The following PARD6G variants were observed in gnomAD, a reference collection of about 807,000 sequenced individuals.
The protein encoded by PARD6G is par-6 family cell polarity regulator gamma.
A neutral mutation model predicts 10.7 loss-of-function variants in PARD6G; 7 were observed. The observed-to-expected ratio is 0.66, with a 90% CI of 0.37 to 1.23. The LOEUF (loss-of-function observed/expected upper bound fraction) is 1.23. Ranked by LOEUF, PARD6G falls within the 50% of genes most tolerant of loss-of-function variation. The pLI, the probability that PARD6G is intolerant of heterozygous loss-of-function variation, is 0.02. For missense variants in PARD6G, 548 were observed against 571.8 expected (o/e 0.96, Z 0.42); for synonymous variants, 287 against 269.4 (o/e 1.07, Z -0.64).
rs2052855280 is a variant in PARD6G, at chr18:80,182,934, C to G, written c.295+19776G>C. The G allele has an allele frequency of 5.0e-6, 3 of 604,900 alleles. No individual in the cohort carries two copies. The Admixed American group carries it at 8.4e-5, about 17-fold the overall frequency. 37.5% of individuals were successfully genotyped at this position (604,900 alleles called of 1,614,324 possible). A position where few individuals can be genotyped will look rare whatever the true frequency, so the allele number is the denominator to read the frequency against. ...TGAAGCTGCGTGTGCCACAACACTG[C>G]AGGCCCCACACCACGCAGCCAGACG... is the stretch of plus-strand genomic sequence containing the variant. On this transcript the variant is annotated intron_variant, in intron 2 of 2. Transcript: ENST00000353265. The surrounding 1 kb of genome is among the most constrained non-coding windows in gnomAD (Gnocchi z 4.5).
chr18:80,160,682 C>G (rs2052694441), intron 2 of PARD6G, 76 bp from the exon 3 acceptor site: 1 of 1,421,408 alleles, frequency 7.0e-7, no homozygotes, highest in Non-Finnish European at 9.1e-7. Context: ...ACACCTGGCA[C>G]TGCTGTTCCA....
In PARD6G at chr18:80,159,937, C is replaced by G. The variant is rs1437351085; in HGVS notation, c.965G>C (p.Ser322Thr). ...PPQTPGAPAG[S>T]LSRVNGAGLA... ...GCCCGCGCCATTGACCCGGGAGAGG[C>G]TGCCTGCGGGCGCGCCCGGGGTCTG... Residue 322 changes from serine (S) to threonine (T), a missense_variant, in exon 3 of 3, where the codon AGC (serine) becomes ACC (threonine). By Grantham distance (58) the Ser-to-Thr change is moderately conservative (BLOSUM62 1). Transcript: ENST00000353265. 6.6e-7 allele frequency: 1 copy of G among 1,504,774 alleles called. No homozygotes were observed. Among genetic ancestry groups the G allele is most frequent in the Non-Finnish European group, 8.8e-7 (1 of 1,135,480 alleles). The allele number at this position is 1,504,774 out of a possible 1,614,324, so 93.2% of individuals were successfully genotyped here. A position where few individuals can be genotyped will look rare whatever the true frequency, so the allele number is the denominator to read the frequency against.
At chr18:80,177,310 TCA>T (rs1447037229) in intron 2 of PARD6G, among the ~76,000 whole-genome samples, 21 of 107,844 alleles carry the variant, frequency 1.9e-4, no homozygotes, top group African/African-American at 7.2e-4. Context: ...ACGGGATAAA[TCA>T]CAGCCCAAAT....
intron 2 of PARD6G, among the ~76,000 whole-genome samples, chr18:80,167,802 G>A (rs965115418): frequency 7.9e-5 from 12 of 152,142 alleles, no homozygotes; most frequent in African/African-American, 2.9e-4. Flanking sequence ...ACAAAGGCAG[G>A]TTCTGAACCC....
chr18:80,192,017 C>T lies in PARD6G; in HGVS notation c.295+10693G>A, dbSNP rs899441810. ...AAAATTGGTCAAAGGTGTCCAACTC[C>T]ACCTTGATGATTCTGAACATCAAAA... On this transcript the variant is annotated intron_variant, in intron 2 of 2. Coordinates refer to ENST00000353265, the MANE Select transcript of PARD6G (RefSeq NM_032510.4). This position sits in a 1 kb window ranked among gnomAD's most constrained non-coding sequence, Gnocchi z 4.9. 1.2e-4 allele frequency among the ~76,000 whole-genome samples: 18 copies of T among 152,218 alleles called. No individual in the cohort carries two copies. Among genetic ancestry groups the T allele is most frequent in the African/African-American group, 4.1e-4 (17 of 41,456 alleles).
chr18:80,222,041 T>C (rs1392396126), intron 1 of PARD6G, among the ~76,000 whole-genome samples: 1 of 152,014 alleles, frequency 6.6e-6, no homozygotes, highest in Non-Finnish European at 1.5e-5. Context: ...TCTAAATTAA[T>C]GGAAAGACAT....
At chr18:80,239,186 T>C (rs927210747) in intron 1 of PARD6G, among the ~76,000 whole-genome samples, 3 of 151,978 alleles carry the variant, frequency 2.0e-5, no homozygotes, top group Non-Finnish European at 4.4e-5. Context: ...AGCTCGTCCT[T>C]AGACCCCAGG....
Position 80,159,942 on chromosome 18 carries a change from T to G in PARD6G, c.960A>C (p.Ala320=). Residue 320 remains alanine, a synonymous_variant, in exon 3 of 3, where the codon GCA becomes GCC. Transcript: ENST00000353265. ...CGCCATTGACCCGGGAGAGGCTGCC[T>G]GCGGGCGCGCCCGGGGTCTGGGGGG... The part of the protein sequence containing the change: ...ARPPQTPGAP[A]GSLSRVNGAG... 6.7e-7 allele frequency: 1 copy of G among 1,497,836 alleles called. No individual in the cohort carries two copies. The highest frequency in any genetic ancestry group is 1.3e-5 in the South Asian group (1 of 75,924). The allele number at this position is 1,497,836 out of a possible 1,614,324, so 92.8% of individuals were successfully genotyped here. A position where few individuals can be genotyped will look rare whatever the true frequency, so the allele number is the denominator to read the frequency against.
chr18:80,246,430 A>C lies in PARD6G; in HGVS notation c.72+847T>G, dbSNP rs1288375571. On this transcript the variant is annotated intron_variant, in intron 1 of 2. Transcript: ENST00000353265. This position sits in a 1 kb window ranked among gnomAD's most constrained non-coding sequence, Gnocchi z 6.7. ...TACCCAGACGCGCATCGCGACCCGC[A>C]AGTTCGGGCACGCTCCGCCCGGGCG... Among the ~76,000 whole-genome samples the C allele has an allele frequency of 6.6e-6, 1 of 152,068 alleles. No individual in the cohort carries two copies. The highest frequency in any genetic ancestry group is 1.5e-5 in the Non-Finnish European group (1 of 67,986).
At chr18:80,190,649 C>A (rs1966889646) in intron 2 of PARD6G, among the ~76,000 whole-genome samples, 2 of 152,062 alleles carry the variant, frequency 1.3e-5, no homozygotes, top group South Asian at 4.1e-4. Flanking sequence ...TCAGTTCTGT[C>A]CTATATAAAA....
intron 1 of PARD6G, among the ~76,000 whole-genome samples, chr18:80,216,320 A>T (rs1291849709): frequency 6.6e-6 from 1 of 152,158 alleles, no homozygotes; most frequent in African/African-American, 2.4e-5. Context: ...TGCACAATAA[A>T]TATTCTTCAA....
At chr18:80,195,594 T>A (rs867126576) in intron 2 of PARD6G, among the ~76,000 whole-genome samples, 2 of 125,842 alleles carry the variant, frequency 1.6e-5, no homozygotes, top group Middle Eastern at 3.9e-3. Context: ...TTTTTCTTTT[T>A]TTTTCTGACC....
rs1161039402 is a variant in PARD6G at position 80,201,162 on chromosome 18, G to A, written c.295+1548C>T. Among the ~76,000 whole-genome samples the A allele has an allele frequency of 6.6e-6, 1 of 152,166 alleles. No homozygotes were observed. The highest frequency in any genetic ancestry group is 6.5e-5 in the Admixed American group (1 of 15,272). ...CAATGGACAGAGCCCAGAGGAAGCC[G>A]AGTAAGAGGACAGAGGACGACAGGC... On this transcript the variant is annotated intron_variant, in intron 2 of 2. Transcript: ENST00000353265. This position sits in a 1 kb window ranked among gnomAD's most constrained non-coding sequence, Gnocchi z 5.9.
At chr18:80,210,656 GT>G (rs1277761366) in intron 1 of PARD6G, among the ~76,000 whole-genome samples, 1 of 152,112 alleles carries the variant, frequency 6.6e-6, no homozygotes, top group Admixed American at 6.5e-5. Flanking sequence ...TTAAAAAAAA[GT>G]TTTTTTCCAT....
intron 1 of PARD6G, among the ~76,000 whole-genome samples, chr18:80,224,658 T>C (rs992257396): frequency 3.9e-5 from 6 of 152,128 alleles, no homozygotes; most frequent in Non-Finnish European, 7.4e-5. Flanking sequence ...CCAACCTGGC[T>C]AACACGGTGA....
intron 2 of PARD6G, among the ~76,000 whole-genome samples, chr18:80,179,255 C>T (rs1401390013): frequency 2.0e-4 from 29 of 147,548 alleles, no homozygotes; most frequent in African/African-American, 4.2e-4. Context: ...TGGAGGGGAA[C>T]GTTTTTCCTT....
At chr18:80,241,932 C>T (rs1007367695) in intron 1 of PARD6G, among the ~76,000 whole-genome samples, 1 of 152,314 alleles carries the variant, frequency 6.6e-6, no homozygotes, top group Non-Finnish European at 1.5e-5. Flanking sequence ...GATTCACAAA[C>T]GCCAGAGCTT....
At chr18:80,194,330 A>C (rs1966930180) in intron 2 of PARD6G, among the ~76,000 whole-genome samples, 1 of 152,158 alleles carries the variant, frequency 6.6e-6, no homozygotes, top group African/African-American at 2.4e-5. Flanking sequence ...AAGGTGCCAA[A>C]TGGGCCCTAA....
chr18:80,188,165 C>G lies in PARD6G; in HGVS notation c.295+14545G>C, dbSNP rs2052890254. Among the ~76,000 whole-genome samples the G allele has an allele frequency of 6.6e-6, 1 of 152,162 alleles. No homozygotes were observed. Among genetic ancestry groups the G allele is most frequent in the Non-Finnish European group, 1.5e-5 (1 of 68,028 alleles). On this transcript the variant is annotated intron_variant, in intron 2 of 2. Transcript: ENST00000353265. This position sits in a 1 kb window ranked among gnomAD's most constrained non-coding sequence, Gnocchi z 5.4. ...CTCTCATTTTACAGTATTTCTATCC[C>G]TCCTCAGTCTCTGCTACAGTTAATT...
Sources: gnomAD v4.1 joint callset for allele counts (sites outside exome capture counted in the v4.1 genomes callset) on GRCh38, gnomAD v4.1.1 for gene constraint, Gnocchi (gnomAD v3.1) non-coding constraint, MANE v1.5 for transcripts, NCBI Gene and HGNC (gene_info 2026-07-23, HGNC 2026-07-21) for gene names.